Variants in PARD3B observed in about 807,000 individuals in gnomAD.
PARD3B encodes partitioning defective 3 homolog B.
In PARD3B, 103 loss-of-function variants were observed where a neutral mutation model predicts 130.2. The observed-to-expected ratio is 0.79, with a 90% CI of 0.67 to 0.93. The LOEUF is 0.93. Ranked by LOEUF, PARD3B falls within the 40% of genes least tolerant of loss-of-function variation. The pLI, the probability that PARD3B is intolerant of heterozygous loss-of-function variation, is 0.00. For missense variants in PARD3B, 1,609 were observed against 1,499.2 expected (o/e 1.07, Z -1.21); for synonymous variants, 583 against 553.2 (o/e 1.05, Z -0.76).
intron 22 of PARD3B, among the ~76,000 whole-genome samples, chr2:205,571,508 G>A (rs2053560594): frequency 1.3e-5 from 2 of 152,320 alleles, no homozygotes; most frequent in Admixed American, 1.3e-4. Flanking sequence ...CTCCAAGGGA[G>A]CAAGCAAAGA....
chr2:204,754,838 T>A (rs2040599091), intron 2 of PARD3B, among the ~76,000 whole-genome samples: 1 of 152,116 alleles, frequency 6.6e-6, no homozygotes, highest in Non-Finnish European at 1.5e-5. Flanking sequence ...TGCAATTTAA[T>A]CTATGGGGCT....
chr2:205,615,357 G>A (rs879056838), intron 22 of PARD3B, 99 bp from the exon 23 acceptor site: 26 of 942,368 alleles, frequency 2.8e-5, no homozygotes, highest in East Asian at 2.6e-4. Context: ...AGACCTATGC[G>A]GTGGCCACAC....
At chr2:204,869,061 G>GT in intron 2 of PARD3B, among the ~76,000 whole-genome samples, 1 of 152,276 alleles carries the variant, frequency 6.6e-6, no homozygotes, top group East Asian at 1.9e-4. Flanking sequence ...GCTGTTTGAG[G>GT]TTGATGTATT....
intron 2 of PARD3B, among the ~76,000 whole-genome samples, chr2:204,905,091 A>G (rs2046997769): frequency 6.6e-6 from 1 of 152,228 alleles, no homozygotes; most frequent in Non-Finnish European, 1.5e-5. Context: ...GGGAAAAATC[A>G]CAAACTCTAA....
intron 2 of PARD3B, among the ~76,000 whole-genome samples, chr2:204,945,932 A>G (rs72940474): frequency 5.3e-5 from 8 of 152,236 alleles, no homozygotes; most frequent in Admixed American, 2.0e-4. Flanking sequence ...TCGTGCTCCC[A>G]TGCGTTTGTG....
intron 1 of PARD3B, among the ~76,000 whole-genome samples, chr2:204,571,080 T>C (rs2125068125): frequency 6.6e-6 from 1 of 152,292 alleles, no homozygotes; most frequent in African/African-American, 2.4e-5. Flanking sequence ...CTGCTGTTAG[T>C]TCTGATTTCT....
chr2:205,207,488 A>G (rs1049714919), intron 15 of PARD3B, among the ~76,000 whole-genome samples: 1 of 145,964 alleles, frequency 6.9e-6, no homozygotes, highest in African/African-American at 2.7e-5. Flanking sequence ...AATAAAGAAA[A>G]AAAGAGAGAT....
At chr2:204,714,885 C>T (rs895101896) in intron 2 of PARD3B, among the ~76,000 whole-genome samples, 1 of 152,134 alleles carries the variant, frequency 6.6e-6, no homozygotes, top group East Asian at 1.9e-4. Context: ...CTATAATTTT[C>T]ATTTTAAGCT....
At chr2:204,753,334 A>G (rs193109197) in intron 2 of PARD3B, among the ~76,000 whole-genome samples, 1 of 152,286 alleles carries the variant, frequency 6.6e-6, no homozygotes, top group Admixed American at 6.5e-5. Flanking sequence ...GTGCTCCTAA[A>G]TGTGTTGAAA....
At chr2:205,159,870 A>T (rs1263883258) in intron 11 of PARD3B, among the ~76,000 whole-genome samples, 2 of 152,172 alleles carry the variant, frequency 1.3e-5, no homozygotes, top group African/African-American at 2.4e-5. Flanking sequence ...TGCTGTTAAG[A>T]CTAAAAGAGA....
intron 4 of PARD3B, among the ~76,000 whole-genome samples, chr2:205,075,122 C>G (rs569607800): frequency 6.6e-6 from 1 of 152,214 alleles, no homozygotes; most frequent in South Asian, 2.1e-4. Flanking sequence ...AAAAACATTA[C>G]TACTTACAAT....
chr2:204,750,615 T>TACATACATACATACATACACACAC (rs2040424613), intron 2 of PARD3B, among the ~76,000 whole-genome samples: 1 of 151,588 alleles, frequency 6.6e-6, no homozygotes, highest in Non-Finnish European at 1.5e-5. Flanking sequence ...CATACATACA[T>TACATACATACATACATACACACAC]ACATACATAC....
In PARD3B at chr2:205,253,540, C is replaced by T. The variant is rs1218998340; in HGVS notation, c.2185+7718C>T. The T allele has an allele frequency of 1.9e-6, 1 of 525,236 alleles. No homozygotes were observed. The highest frequency in any genetic ancestry group is 2.0e-5 in the Admixed American group (1 of 50,000). The allele number at this position is 525,236 out of a possible 1,614,324, so 32.5% of individuals were successfully genotyped here. A position where few individuals can be genotyped will look rare whatever the true frequency, so the allele number is the denominator to read the frequency against. ...AGAGACTCACACTGCTGTCATGGCC[C>T]CACAGCCTGGAGCCTCCCCTGCCTC... On this transcript the variant is annotated intron_variant, in intron 16 of 22. Coordinates refer to ENST00000406610, the MANE Select transcript of PARD3B (RefSeq NM_001302769.2). This position sits in a 1 kb window ranked among gnomAD's most constrained non-coding sequence, Gnocchi z 4.4.
At position 205,568,542 on chromosome 2, in the gene PARD3B, T is replaced by G. The variant is rs1404968222; in HGVS notation, c.3260+15139T>G. Among the ~76,000 whole-genome samples, 1 of 152,072 alleles carries G rather than the reference T, an allele frequency of 6.6e-6. No individual in the cohort carries two copies. Among genetic ancestry groups the G allele is most frequent in the Admixed American group, 6.5e-5 (1 of 15,280 alleles). On this transcript the variant is annotated intron_variant, in intron 22 of 22. Transcript: ENST00000406610. The surrounding 1 kb of genome is among the most constrained non-coding windows in gnomAD (Gnocchi z 5.3). ...GGGATTAGGAAAGCCTCTGGAAAAATTAAACTTGGTACTGAGTTGCCTGAC... is the reference window on the plus strand; with the variant it reads ...GGGATTAGGAAAGCCTCTGGAAAAAGTAAACTTGGTACTGAGTTGCCTGAC...
intron 2 of PARD3B, among the ~76,000 whole-genome samples, chr2:204,745,081 G>A (rs1352020829): frequency 6.6e-6 from 1 of 152,194 alleles, no homozygotes; most frequent in African/African-American, 2.4e-5. Context: ...ATGCTTTAAA[G>A]TTGAGGTCTC....
intron 3 of PARD3B, among the ~76,000 whole-genome samples, chr2:205,012,972 TA>T (rs924093600): frequency 4.4e-4 from 67 of 152,344 alleles, no homozygotes; most frequent in African/African-American, 1.5e-3. Flanking sequence ...TTATCTAGCA[TA>T]AGCAGAAGAA....
intron 5 of PARD3B, among the ~76,000 whole-genome samples, chr2:205,109,857 G>A (rs1056848731): frequency 6.6e-6 from 1 of 151,716 alleles, no homozygotes; most frequent in Non-Finnish European, 1.5e-5. Context: ...TTTCTCCATG[G>A]TGGCCAGGCT....
chr2:205,514,313 A>G (rs527329225), intron 21 of PARD3B, among the ~76,000 whole-genome samples: 7 of 152,220 alleles, frequency 4.6e-5, no homozygotes, highest in African/African-American at 1.4e-4. Context: ...TTCACATCCA[A>G]TGCAGGAACA....
rs934972333 is a variant in PARD3B at position 205,461,191 on chromosome 2, C to T, written c.3044+20519C>T. Among the ~76,000 whole-genome samples, 2 of 152,112 alleles carry T rather than the reference C, an allele frequency of 1.3e-5. No individual in the cohort carries two copies. The highest frequency in any genetic ancestry group is 2.9e-5 in the Non-Finnish European group (2 of 68,040). On this transcript the variant is annotated intron_variant, in intron 20 of 22. Coordinates refer to ENST00000406610, the MANE Select transcript of PARD3B (RefSeq NM_001302769.2). The surrounding 1 kb of genome is among the most constrained non-coding windows in gnomAD (Gnocchi z 4.3). ...AAGAAAGAAGTCACTGAGAAAGCGA[C>T]ATTTAAGTCGAGACTCAAAGAGTGA...
Sources: gnomAD v4.1 joint callset for allele counts (sites outside exome capture counted in the v4.1 genomes callset) on GRCh38, gnomAD v4.1.1 for gene constraint, Gnocchi (gnomAD v3.1) non-coding constraint, MANE v1.5 for transcripts, NCBI Gene and HGNC (gene_info 2026-07-23, HGNC 2026-07-21) for gene names.